Variants in FNDC3A observed in about 807,000 individuals in gnomAD.
FNDC3A encodes fibronectin type-III domain-containing protein 3A.
FNDC3A carries 32 observed loss-of-function variants against 148.9 expected under a neutral mutation model. That is an observed-to-expected ratio of 0.21 (90% CI 0.16 to 0.29). The LOEUF is 0.29. Among genes scored for constraint, FNDC3A ranks in the 10% least tolerant of loss-of-function variants. The probability of loss-of-function intolerance (pLI) is 1.00; values close to 1 mark genes in which losing one functional copy is unlikely to be tolerated. For synonymous variants in FNDC3A, 472 were observed against 473.6 expected (o/e 1.00, Z 0.04); for missense variants, 1,191 against 1,452.8 (o/e 0.82, Z 2.93).
At chr13:49,145,740 G>A (rs748525776) in intron 7 of FNDC3A, 38 bp from the exon 8 acceptor site, 2 of 1,570,962 alleles carry the variant, frequency 1.3e-6, no homozygotes, top group Admixed American at 1.7e-5. Flanking sequence ...ATACATTACA[G>A]TTGTTTTAAA....
intron 2 of FNDC3A, among the ~76,000 whole-genome samples, chr13:49,056,045 G>C (rs1876212796): frequency 6.6e-6 from 1 of 151,988 alleles, no homozygotes. Flanking sequence ...AAATTAACTG[G>C]GTGTAGTGGC....
intron 3 of FNDC3A, among the ~76,000 whole-genome samples, chr13:49,087,578 T>G (rs575029219): frequency 6.6e-6 from 1 of 152,182 alleles, no homozygotes; most frequent in East Asian, 1.9e-4. Context: ...AATGGAAAGA[T>G]TAGATAATTT....
At chr13:49,073,925 AT>A (rs1877916174) in intron 2 of FNDC3A, among the ~76,000 whole-genome samples, 1 of 151,134 alleles carries the variant, frequency 6.6e-6, no homozygotes, top group African/African-American at 2.4e-5. Flanking sequence ...TGGTCCAAGC[AT>A]TTTGGCTAAG....
chr13:49,097,091 G>A (rs946128185), intron 3 of FNDC3A, among the ~76,000 whole-genome samples: 1 of 151,876 alleles, frequency 6.6e-6, no homozygotes, highest in African/African-American at 2.4e-5. Context: ...TATATGCCAC[G>A]CTAGAGATTT....
chr13:49,193,582 G>T (rs1430411623), intron 19 of FNDC3A, among the ~76,000 whole-genome samples: 2 of 152,062 alleles, frequency 1.3e-5, no homozygotes. Flanking sequence ...ACTTATTATT[G>T]TAAATCATTT....
At chr13:49,173,439 T>A (rs1884866434) in intron 11 of FNDC3A, among the ~76,000 whole-genome samples, 1 of 152,210 alleles carries the variant, frequency 6.6e-6, no homozygotes, top group South Asian at 2.1e-4. Context: ...CAAAGCAGAT[T>A]AGGAATAGAA....
chr13:49,057,461 A>C (rs1021631344), intron 2 of FNDC3A, among the ~76,000 whole-genome samples: 14 of 151,782 alleles, frequency 9.2e-5, no homozygotes, highest in Admixed American at 9.2e-4. Context: ...TAAACTCTCA[A>C]CTTCTACTTG....
intron 1 of FNDC3A, among the ~76,000 whole-genome samples, chr13:48,998,597 C>T (rs1952066726): frequency 6.6e-6 from 1 of 152,024 alleles, no homozygotes; most frequent in South Asian, 2.1e-4. Flanking sequence ...CACTTTTGGT[C>T]CCAAGCATTT....
At chr13:49,000,673 A>G (rs775400263) in intron 1 of FNDC3A, among the ~76,000 whole-genome samples, 3 of 152,202 alleles carry the variant, frequency 2.0e-5, no homozygotes, top group Non-Finnish European at 4.4e-5. Context: ...TAGTATGGAC[A>G]TTTTAACAAT....
At chr13:49,056,604 ATCTT>A (rs1876264209) in intron 2 of FNDC3A, among the ~76,000 whole-genome samples, 2 of 151,872 alleles carry the variant, frequency 1.3e-5, no homozygotes, top group South Asian at 2.1e-4. Context: ...TTCTTATTCT[ATCTT>A]CTGTATCTCA....
At chr13:49,041,946 A>G (rs998568555) in intron 2 of FNDC3A, among the ~76,000 whole-genome samples, 5 of 152,210 alleles carry the variant, frequency 3.3e-5, no homozygotes, top group African/African-American at 1.2e-4. Context: ...GAAACCACTC[A>G]ATATAAAACC....
chr13:49,062,615 G>T (rs2137746713), intron 2 of FNDC3A, among the ~76,000 whole-genome samples: 1 of 152,160 alleles, frequency 6.6e-6, no homozygotes, highest in South Asian at 2.1e-4. Flanking sequence ...TCTTTATCTT[G>T]CAGACTTCTG....
At chr13:49,074,252 C>T (rs775652885) in intron 2 of FNDC3A, among the ~76,000 whole-genome samples, 1 of 152,108 alleles carries the variant, frequency 6.6e-6, no homozygotes, top group Non-Finnish European at 1.5e-5. Context: ...CTCACCTCCC[C>T]GCATCCCGAA....
chr13:49,201,936 A>G lies in FNDC3A; in HGVS notation c.3124A>G (p.Thr1042Ala), dbSNP rs1473926813. The G allele has an allele frequency of 1.3e-6, 2 of 1,584,976 alleles. No individual in the cohort carries two copies. The highest frequency in any genetic ancestry group is 1.2e-5 in the South Asian group (1 of 86,234). The stretch of plus-strand genomic sequence containing the variant: ...CCTCTCCCAAGAATATATTTTCACT[A>G]CTCCAAAATCTGTCCCAGCTGCCTT... ...GPLSQEYIFTTPKSVPAALKA... is the reference protein window; with the variant it reads ...GPLSQEYIFTAPKSVPAALKA... The change falls in exon 24 of 26, where the codon ACT becomes GCT. Residue 1042 changes from threonine (T) to alanine (A), a missense_variant. Physicochemically the swap from Thr to Ala is moderately conservative, Grantham distance 58. This residue lies in a region of FNDC3A where 751 missense variants were observed against 944.0 expected (regional missense o/e 0.80). Transcript: ENST00000492622.
intron 7 of FNDC3A, among the ~76,000 whole-genome samples, chr13:49,139,260 GAC>G (rs1462190750): frequency 6.6e-6 from 1 of 152,170 alleles, no homozygotes; most frequent in Non-Finnish European, 1.5e-5. Context: ...TGGGGAGTTG[GAC>G]AGAGGGAAAG....
chr13:48,978,334 C>T (rs1203831223), intron 1 of FNDC3A, among the ~76,000 whole-genome samples: 1 of 152,158 alleles, frequency 6.6e-6, no homozygotes, highest in African/African-American at 2.4e-5. Context: ...GATTCATATT[C>T]TCATTGTCTT....
At chr13:49,098,163 A>T (rs2137831861) in intron 3 of FNDC3A, among the ~76,000 whole-genome samples, 1 of 152,272 alleles carries the variant, frequency 6.6e-6, no homozygotes, top group South Asian at 2.1e-4. Flanking sequence ...TAATTAAAAT[A>T]AAAAAGTTTA....
chr13:49,039,789 AC>A (rs1305814844), intron 2 of FNDC3A, among the ~76,000 whole-genome samples: 3 of 152,180 alleles, frequency 2.0e-5, no homozygotes, highest in Admixed American at 2.0e-4. Flanking sequence ...ATCTCGGCTC[AC>A]TGCAACCTTC....
rs1197676937 is a variant in FNDC3A, at chr13:49,209,440, G to T, written c.*2045G>T. On this transcript the variant is annotated 3_prime_UTR_variant, in exon 26 of 26. Coordinates refer to ENST00000492622, the MANE Select transcript of FNDC3A (RefSeq NM_001079673.2). ...TTCCAAAAACTCTAAACTTTTTAAA[G>T]ATTATAGATACACTACCAAACATAT... The T allele has an allele frequency of 1.3e-5, 2 of 152,450 alleles. No individual in the cohort carries two copies. Among genetic ancestry groups the T allele is most frequent in the African/African-American group, 4.8e-5 (2 of 41,412 alleles). The allele number at this position is 152,450 out of a possible 1,614,324, so 9.4% of individuals were successfully genotyped here.
Sources: gnomAD v4.1 joint callset for allele counts (sites outside exome capture counted in the v4.1 genomes callset) on GRCh38, gnomAD v4.1.1 for gene constraint, gnomAD v4.1.1 regional missense constraint, MANE v1.5 for transcripts, NCBI Gene and HGNC (gene_info 2026-07-23, HGNC 2026-07-21) for gene names.